The following HIPK2 variants were observed in gnomAD, a reference collection of about 807,000 sequenced individuals.
HIPK2 encodes the protein homeodomain-interacting protein kinase 2.
Under a neutral mutation model 113.7 loss-of-function variants are expected in HIPK2, and 27 were observed. The observed-to-expected ratio is 0.24, with a 90% CI of 0.17 to 0.33. The LOEUF is 0.33. HIPK2 is among the 10% of genes least tolerant of loss of function. The probability of loss-of-function intolerance (pLI) is 1.00; values close to 1 mark genes in which losing one functional copy is unlikely to be tolerated. For missense variants in HIPK2, 1,257 were observed against 1,588.0 expected (o/e 0.79, Z 3.54); for synonymous variants, 631 against 642.2 (o/e 0.98, Z 0.26).
intron 2 of HIPK2, among the ~76,000 whole-genome samples, chr7:139,668,981 A>T (rs1434559251): frequency 1.3e-5 from 2 of 152,254 alleles, no homozygotes; most frequent in African/African-American, 4.8e-5. Context: ...ATTCACGTGG[A>T]AGGATCACTT....
rs1290958583 is a variant in HIPK2, at chr7:139,630,248, A to C, written c.1347+917T>G. 6.6e-6 allele frequency among the ~76,000 whole-genome samples: 1 copy of C among 152,190 alleles called. No homozygotes were observed. Among genetic ancestry groups the C allele is most frequent in the African/African-American group, 2.4e-5 (1 of 41,446 alleles). On this transcript the variant is annotated intron_variant, in intron 4 of 14. Coordinates refer to ENST00000406875, the MANE Select transcript of HIPK2 (RefSeq NM_022740.5). The surrounding 1 kb of genome is among the most constrained non-coding windows in gnomAD (Gnocchi z 4.0). ...CCCCTGCCCCCGGAGTTTCAGGTTT[A>C]TGGTTACTTGTGTGAACCAGACACC...
At chr7:139,689,154 C>T (rs1321166917) in intron 2 of HIPK2, among the ~76,000 whole-genome samples, 1 of 152,164 alleles carries the variant, frequency 6.6e-6, no homozygotes, top group Non-Finnish European at 1.5e-5. Flanking sequence ...GTAAATGCAG[C>T]CACGGACCCC....
chr7:139,614,159 C>T, intron 8 of HIPK2, 127 bp downstream of exon 8: 2 of 881,796 alleles, frequency 2.3e-6, no homozygotes, highest in Non-Finnish European at 3.1e-6. Flanking sequence ...GATACCAGCG[C>T]TCTCACTGGA....
rs1798012942 is a variant in HIPK2 at position 139,563,730 on chromosome 7, G to A, written c.*9197C>T. On this transcript the variant is annotated 3_prime_UTR_variant, in exon 15 of 15. Transcript: ENST00000406875. ...ACAGTAACATTTCCACCAAAAGACT[G>A]TCCTAAGAACACGCTGTCAATACAG... 2 of 397,844 alleles carry A rather than the reference G, an allele frequency of 5.0e-6. No individual in the cohort carries two copies. The highest frequency in any genetic ancestry group is 8.9e-6 in the Non-Finnish European group (2 of 225,970). 24.6% of individuals were successfully genotyped at this position (397,844 alleles called of 1,614,324 possible).
At position 139,662,213 on chromosome 7, in the gene HIPK2, C is replaced by T. The variant is rs573318290; in HGVS notation, c.1104-30488G>A. Among the ~76,000 whole-genome samples the T allele has an allele frequency of 4.6e-5, 7 of 152,312 alleles. No individual in the cohort carries two copies. The East Asian group carries it at 9.6e-4, about 21-fold the overall frequency. On this transcript the variant is annotated intron_variant, in intron 2 of 14. Coordinates refer to ENST00000406875, the MANE Select transcript of HIPK2 (RefSeq NM_022740.5). The stretch of plus-strand genomic sequence containing the variant: ...TAGTCCTTAGCTAACATCCAGCCAG[C>T]GGCACCACTCTCCAATCTATGTTTC...
chr7:139,578,958 G>A (rs1798579791), intron 13 of HIPK2, among the ~76,000 whole-genome samples: 2 of 152,238 alleles, frequency 1.3e-5, no homozygotes, highest in African/African-American at 4.8e-5. Flanking sequence ...ATAGGCGTGA[G>A]CCACCGTGCC....
At chr7:139,638,445 T>C (rs1200708617) in intron 2 of HIPK2, among the ~76,000 whole-genome samples, 1 of 152,058 alleles carries the variant, frequency 6.6e-6, no homozygotes. Context: ...ACCAGATTGG[T>C]CCAATAAATA....
chr7:139,647,696 A>G (rs1237301035), intron 2 of HIPK2, among the ~76,000 whole-genome samples: 1 of 152,232 alleles, frequency 6.6e-6, no homozygotes, highest in Non-Finnish European at 1.5e-5. Flanking sequence ...AGAAGAGAGA[A>G]TAAGTGGAGA....
chr7:139,626,774 C>T lies in HIPK2; in HGVS notation c.1446G>A (p.Thr482=), dbSNP rs766305638. 36 of 1,613,848 alleles carry T rather than the reference C, an allele frequency of 2.2e-5. No individual in the cohort carries two copies. Among genetic ancestry groups the T allele is most frequent in the Middle Eastern group, 1.6e-4 (1 of 6,080 alleles). ...CLDDMAQVNM[T]TDLEGSDMLV... is the part of the protein sequence containing the mutation. ...ACATGTCGCTCCCTTCCAAATCTGTCGTCATGTTCACCTGGACGCAAGTAA... is the reference window on the plus strand; with the variant it reads ...ACATGTCGCTCCCTTCCAAATCTGTTGTCATGTTCACCTGGACGCAAGTAA... The change falls in exon 6 of 15, where the codon ACG becomes ACA. Residue 482 remains threonine, a synonymous_variant. Transcript: ENST00000406875.
chr7:139,600,445 TC>T lies in HIPK2; in HGVS notation c.2406del (p.Lys803ArgfsTer9). 6.2e-7 allele frequency: 1 copy of T among 1,613,734 alleles called. No homozygotes were observed. The highest frequency in any genetic ancestry group is 8.5e-7 in the Non-Finnish European group (1 of 1,179,882). On this transcript the variant is annotated frameshift_variant, in exon 11 of 15. Coordinates refer to ENST00000406875, the MANE Select transcript of HIPK2 (RefSeq NM_022740.5). LOFTEE classifies it high-confidence loss of function. ...RQQPTSTTSS[R>X]KSKQHQSSVR... is the part of the protein sequence containing the mutation. ...ACAGATGACTGGTGCTGCTTACTCT[TC>T]CGGGAGGAGGTGGTGCTGGTTGGCT...
chr7:139,752,487 G>A lies in HIPK2; in HGVS notation c.19+25118C>T, dbSNP rs78398266. 2.0e-3 allele frequency among the ~76,000 whole-genome samples: 311 copies of A among 152,030 alleles called. 2 individuals are homozygous for A. Among genetic ancestry groups the A allele is most frequent in the African/African-American group, 7.3e-3 (303 of 41,454 alleles). On this transcript the variant is annotated intron_variant, in intron 1 of 14. Transcript: ENST00000406875. The stretch of plus-strand genomic sequence containing the variant: ...TTTCTCCCTCACCTCTCCCCCTTCT[G>A]CACCAAATCATGCCCACCTCCCTTC...
At position 139,573,336 on chromosome 7, in the gene HIPK2, G is replaced by T; in HGVS notation, c.3188C>A (p.Thr1063Asn). 6.2e-7 allele frequency: 1 copy of T among 1,605,874 alleles called. No individual in the cohort carries two copies. The highest frequency in any genetic ancestry group is 8.5e-7 in the Non-Finnish European group (1 of 1,179,842). The change falls in exon 15 of 15, where the codon ACT (threonine) becomes AAT (asparagine). Residue 1063 changes from threonine to asparagine, a missense_variant. Around this residue, in one of 5 missense-constraint regions of HIPK2, gnomAD observed 862 missense variants for 1,004.3 expected, o/e 0.86. Coordinates refer to ENST00000406875, the MANE Select transcript of HIPK2 (RefSeq NM_022740.5). ...GTACGGAGCCTGGGCCATGGTGGGA[G>T]TGATGTAGGCCTGCTGCCTTCGGTG... Reference protein sequence around the residue: ...GSHRRQQAYITPTMAQAPYSF... With the variant: ...GSHRRQQAYINPTMAQAPYSF...
chr7:139,695,752 C>T (rs1027786060), intron 2 of HIPK2, among the ~76,000 whole-genome samples: 8 of 152,082 alleles, frequency 5.3e-5, no homozygotes, highest in Non-Finnish European at 1.2e-4. Context: ...GACAAATTAC[C>T]GAAAACTATG....
chr7:139,603,135 CT>C (rs1052522466), intron 10 of HIPK2, among the ~76,000 whole-genome samples: 15 of 152,136 alleles, frequency 9.9e-5, no homozygotes, highest in Non-Finnish European at 1.6e-4. Flanking sequence ...CACCACCTTT[CT>C]TCTTTTCTCG....
intron 1 of HIPK2, among the ~76,000 whole-genome samples, chr7:139,734,402 CT>C (rs1230619484): frequency 5.3e-5 from 8 of 152,182 alleles, no homozygotes; most frequent in Non-Finnish European, 1.2e-4. Flanking sequence ...AAATCACTCT[CT>C]GGTGACTAAA....
At chr7:139,608,703 A>G (rs1039172678) in intron 9 of HIPK2, among the ~76,000 whole-genome samples, 1 of 152,170 alleles carries the variant, frequency 6.6e-6, no homozygotes, top group African/African-American at 2.4e-5. Context: ...TGGTAACTGC[A>G]TAAAGGTGGC....
chr7:139,621,746 C>T (rs1264994556), intron 6 of HIPK2, among the ~76,000 whole-genome samples: 1 of 151,632 alleles, frequency 6.6e-6, no homozygotes, highest in Admixed American at 6.6e-5. Context: ...ATAGGGAGAT[C>T]CTATTCTCTA....
At chr7:139,739,454 GCA>G (rs1796034824) in intron 1 of HIPK2, among the ~76,000 whole-genome samples, 1 of 152,060 alleles carries the variant, frequency 6.6e-6, no homozygotes, top group Non-Finnish European at 1.5e-5. Flanking sequence ...GGGTGTGGTG[GCA>G]CATGCCTGTA....
In HIPK2 at chr7:139,714,441, GGGA is replaced by G. The variant is rs1476889936; in HGVS notation, c.1103+1488_1103+1490del. On this transcript the variant is annotated intron_variant, in intron 2 of 14. Transcript: ENST00000406875. This position sits in a 1 kb window ranked among gnomAD's most constrained non-coding sequence, Gnocchi z 4.2. ...TGCCCAGCAGGCTGAGGGAGGGGCT[GGGA>G]GGAGACTTGCAACAGCTCTGCCTGC... 2.0e-5 allele frequency among the ~76,000 whole-genome samples: 3 copies of G among 152,286 alleles called. No individual in the cohort carries two copies. The highest frequency in any genetic ancestry group is 4.4e-5 in the Non-Finnish European group (3 of 68,018).
Sources: gnomAD v4.1 joint callset for allele counts (sites outside exome capture counted in the v4.1 genomes callset) on GRCh38, gnomAD v4.1.1 for gene constraint, gnomAD v4.1.1 regional missense constraint, Gnocchi (gnomAD v3.1) non-coding constraint, MANE v1.5 for transcripts, NCBI Gene and HGNC (gene_info 2026-07-23, HGNC 2026-07-21) for gene names.